CSNK1G2: variants seen among roughly 807,000 people sequenced by gnomAD.
The protein encoded by CSNK1G2 is casein kinase 1 gamma 2, also known as casein kinase I isoform gamma-2.
A neutral mutation model predicts 48.0 loss-of-function variants in CSNK1G2; 11 were observed. The ratio of observed to expected loss-of-function variants is 0.23; its 90% confidence interval spans 0.14 to 0.38. The LOEUF (loss-of-function observed/expected upper bound fraction) is 0.38, where lower values mean the gene tolerates loss of function less well. Among genes scored for constraint, CSNK1G2 ranks in the 10% least tolerant of loss-of-function variants. CSNK1G2 has a pLI of 1.00. For missense variants in CSNK1G2, 446 were observed against 595.5 expected, an observed-to-expected ratio of 0.75 and a Z score of 2.61; for synonymous variants, 337 against 254.1, an observed-to-expected ratio of 1.33 and a Z score of -3.10.
chr19:1,955,582 A>T (rs942613376), intron 1 of CSNK1G2, among the ~76,000 whole-genome samples: 7 of 145,640 alleles, frequency 4.8e-5, no homozygotes, highest in African/African-American at 2.0e-4. Context: ...CGCCCAGGTC[A>T]GGGGCTTCTC....
rs1215584367 is a variant in CSNK1G2 at position 1,979,378 on chromosome 19, C to A, written c.828C>A (p.Ile276=). 1 of 1,601,212 alleles carries A rather than the reference C, an allele frequency of 6.2e-7. No individual in the cohort carries two copies. The highest frequency in any genetic ancestry group is 8.5e-7 in the Non-Finnish European group (1 of 1,175,430). Residue 276 remains isoleucine, a synonymous_variant, in exon 8 of 12, where the codon ATC becomes ATA. Coordinates refer to ENST00000255641, the MANE Select transcript of CSNK1G2 (RefSeq NM_001319.7). ...GGGACACCAAACGCGCCACGCCCAT[C>A]GAGGTGCTCTGCGAGAACTTCCCAG... The part of the protein sequence containing the change: ...KIGDTKRATP[I]EVLCENFPEE...
chr19:1,980,283 C>A lies in CSNK1G2; in HGVS notation c.*80C>A. On this transcript the variant is annotated 3_prime_UTR_variant, in exon 12 of 12. Transcript: ENST00000255641. ...CCTTGTGCGAGGCCCTCGGGGCCCACCCACAGCGGCCCAGGGCCAGACCCT... is the reference window on the plus strand; with the variant it reads ...CCTTGTGCGAGGCCCTCGGGGCCCAACCACAGCGGCCCAGGGCCAGACCCT... 1 of 1,534,148 alleles carries A rather than the reference C, an allele frequency of 6.5e-7. No individual in the cohort carries two copies. The highest frequency in any genetic ancestry group is 9.0e-7 in the Non-Finnish European group (1 of 1,112,812).
Position 1,978,321 on chromosome 19 carries a change from A to G in CSNK1G2, c.204A>G (p.Thr68=), listed in dbSNP as rs758194235. 1 of 1,613,540 alleles carries G rather than the reference A, an allele frequency of 6.2e-7. No individual in the cohort carries two copies. The highest frequency in any genetic ancestry group is 2.2e-5 in the East Asian group (1 of 44,870). The change falls in exon 3 of 12, where the codon ACA becomes ACG. Residue 68 remains threonine, a synonymous_variant. Transcript: ENST00000255641. The surrounding 1 kb of genome is among the most constrained non-coding windows in gnomAD (Gnocchi z 7.3). ...TCCCCGCAGGAAAGAATCTCTATAC[A>G]AATGAATACGTGGCTATCAAATTGG... ...GELRLGKNLY[T]NEYVAIKLEP...
At chr19:1,945,799 G>A (rs918169482) in intron 1 of CSNK1G2, among the ~76,000 whole-genome samples, 2 of 149,174 alleles carry the variant, frequency 1.3e-5, no homozygotes, top group South Asian at 4.3e-4. Context: ...TCCAGCCTGG[G>A]CAACAGAGCG....
chr19:1,971,299 C>T (rs1244009546), intron 2 of CSNK1G2, among the ~76,000 whole-genome samples: 3 of 152,252 alleles, frequency 2.0e-5, no homozygotes, highest in Non-Finnish European at 4.4e-5. Flanking sequence ...GATCCCACCC[C>T]AGCCCTTGGG....
intron 2 of CSNK1G2, chr19:1,975,990 G>A (rs936749239): frequency 4.3e-5 from 47 of 1,081,668 alleles, no homozygotes; most frequent in Middle Eastern, 2.3e-4. Context: ...AGCCGTGATC[G>A]CGCCAGTGCA....
At chr19:1,943,466 A>G (rs576807737) in intron 1 of CSNK1G2, among the ~76,000 whole-genome samples, 1 of 152,190 alleles carries the variant, frequency 6.6e-6, no homozygotes, top group Admixed American at 6.5e-5. Flanking sequence ...CCTTTTTAAT[A>G]ATACAGTAAT....
rs898120001 is a variant in CSNK1G2 at position 1,980,987 on chromosome 19, C to G, written c.*784C>G. ...GAGGACCGGTTGGTGTCACCCTGCT[C>G]GGCCCTCAGCCCTGCCGCGTGGGGC... On this transcript the variant is annotated 3_prime_UTR_variant, in exon 12 of 12. Transcript: ENST00000255641. 1 of 152,284 alleles carries G rather than the reference C, an allele frequency of 6.6e-6. No individual in the cohort carries two copies. Among genetic ancestry groups the G allele is most frequent in the African/African-American group, 2.4e-5 (1 of 41,466 alleles). The allele number at this position is 152,284 out of a possible 1,614,324, so 9.4% of individuals were successfully genotyped here.
At chr19:1,970,851 G>A (rs1467375286) in intron 2 of CSNK1G2, among the ~76,000 whole-genome samples, 2 of 152,184 alleles carry the variant, frequency 1.3e-5, no homozygotes, top group East Asian at 3.9e-4. Context: ...GAGAGGCCAC[G>A]GCAGTGGATC....
In CSNK1G2 at chr19:1,980,382, C is replaced by T. The variant is rs1251132627; in HGVS notation, c.*179C>T. Reference sequence around the variant, plus strand: ...GCCCCACCCCCGGGACGTGGGGTCACTTCCTTCATGTAAGACTTTGGCCGA... The same window carrying T: ...GCCCCACCCCCGGGACGTGGGGTCATTTCCTTCATGTAAGACTTTGGCCGA... On this transcript the variant is annotated 3_prime_UTR_variant, in exon 12 of 12. Transcript: ENST00000255641. 1 of 723,124 alleles carries T rather than the reference C, an allele frequency of 1.4e-6. No individual in the cohort carries two copies. Among genetic ancestry groups the T allele is most frequent in the Non-Finnish European group, 2.4e-6 (1 of 419,038 alleles). 44.8% of individuals were successfully genotyped at this position (723,124 alleles called of 1,614,324 possible).
rs191787859 is a variant in CSNK1G2 at position 1,951,127 on chromosome 19, C to G, written c.-266+9709C>G. Among the ~76,000 whole-genome samples, 57 of 145,814 alleles carry G rather than the reference C, an allele frequency of 3.9e-4. 4 individuals carry two copies. The highest frequency in any genetic ancestry group is 3.4e-3 in the Admixed American group (50 of 14,542). ...TTTATAAAAATCAAAGATGGCCAGG[C>G]ACGGTGGCTCACGCCTGTAATCCCA... is the stretch of plus-strand genomic sequence containing the variant. On this transcript the variant is annotated intron_variant, in intron 1 of 11. Transcript: ENST00000255641.
At chr19:1,953,224 C>T (rs978627165) in intron 1 of CSNK1G2, among the ~76,000 whole-genome samples, 1 of 152,174 alleles carries the variant, frequency 6.6e-6, no homozygotes, top group Admixed American at 6.5e-5. Context: ...CCCCCGCTGT[C>T]TGTGGCACCA....
chr19:1,978,772 G>A lies in CSNK1G2; in HGVS notation c.447+22G>A. 6.4e-7 allele frequency: 1 copy of A among 1,567,650 alleles called. No individual in the cohort carries two copies. The highest frequency in any genetic ancestry group is 8.6e-7 in the Non-Finnish European group (1 of 1,156,752). Reference sequence around the variant, plus strand: ...GCTGGTGCGCGGCGGGCGGGGCGGGGCGGGGCTCGGAGGGAAGAGGGTGGC... The same window carrying A: ...GCTGGTGCGCGGCGGGCGGGGCGGGACGGGGCTCGGAGGGAAGAGGGTGGC... On this transcript the variant is annotated intron_variant, in intron 5 of 11. Coordinates refer to ENST00000255641, the MANE Select transcript of CSNK1G2 (RefSeq NM_001319.7). The surrounding 1 kb of genome is among the most constrained non-coding windows in gnomAD (Gnocchi z 7.3).
intron 2 of CSNK1G2, among the ~76,000 whole-genome samples, chr19:1,970,260 G>A (rs994144905): frequency 6.6e-6 from 1 of 152,280 alleles, no homozygotes; most frequent in African/African-American, 2.4e-5. Flanking sequence ...GTTAAGTTGT[G>A]AATGACTTTC....
chr19:1,957,024 G>C lies in CSNK1G2; in HGVS notation c.-265-12484G>C, dbSNP rs1344888229. Among the ~76,000 whole-genome samples the C allele has an allele frequency of 6.6e-6, 1 of 152,202 alleles. No homozygotes were observed. Among genetic ancestry groups the C allele is most frequent in the Non-Finnish European group, 1.5e-5 (1 of 68,034 alleles). ...AGGGGATTCTGCAGAGGGAAGGCTG[G>C]TGGTGGCGCCCCCCTTCGACGGTCG... On this transcript the variant is annotated intron_variant, in intron 1 of 11. Coordinates refer to ENST00000255641, the MANE Select transcript of CSNK1G2 (RefSeq NM_001319.7). This position sits in a 1 kb window ranked among gnomAD's most constrained non-coding sequence, Gnocchi z 5.4.
intron 1 of CSNK1G2, among the ~76,000 whole-genome samples, chr19:1,960,645 T>C (rs1245186614): frequency 6.6e-6 from 1 of 152,170 alleles, no homozygotes; most frequent in East Asian, 1.9e-4. Flanking sequence ...CCCAGCACTT[T>C]GGGAGGCTAA....
In CSNK1G2 at chr19:1,979,505, C is replaced by T. The variant is rs753236076; in HGVS notation, c.864C>T (p.Ala288=). The stretch of plus-strand genomic sequence containing the variant: ...GCGCTCTCTCTGCAGAGGAGATGGC[C>T]ACGTACCTGCGCTATGTGCGGCGCC... ...VLCENFPEEM[A]TYLRYVRRLD... is the part of the protein sequence containing the mutation. Residue 288 remains alanine, a synonymous_variant, in exon 9 of 12, where the codon GCC becomes GCT. Transcript: ENST00000255641. 7.5e-6 allele frequency: 11 copies of T among 1,459,132 alleles called. No individual in the cohort carries two copies. The highest frequency in any genetic ancestry group is 1.0e-5 in the Non-Finnish European group (11 of 1,088,736). 90.4% of individuals were successfully genotyped at this position (1,459,132 alleles called of 1,614,324 possible). A position where few individuals can be genotyped will look rare whatever the true frequency, so the allele number is the denominator to read the frequency against.
In CSNK1G2 at chr19:1,941,218, G is replaced by GAGCGCGGCGA. The variant is rs1555677406; in HGVS notation, c.-465_-456dup. 6.8e-6 allele frequency: 1 copy of GAGCGCGGCGA among 146,218 alleles called. No individual in the cohort carries two copies. Among genetic ancestry groups the GAGCGCGGCGA allele is most frequent in the Non-Finnish European group, 1.5e-5 (1 of 65,762 alleles). 9.1% of individuals were successfully genotyped at this position (146,218 alleles called of 1,614,324 possible). A position where few individuals can be genotyped will look rare whatever the true frequency, so the allele number is the denominator to read the frequency against. ...CGCGGGCCCCGGAGCGGGCGCGGCG[G>GAGCGCGGCGA]AGCGCGGCGAGCCCGGCGCCTCCCG... On this transcript the variant is annotated 5_prime_UTR_variant, in exon 1 of 12. Transcript: ENST00000255641.
At chr19:1,964,313 C>A (rs1006847323) in intron 1 of CSNK1G2, among the ~76,000 whole-genome samples, 374 of 148,726 alleles carry the variant, frequency 2.5e-3, no homozygotes, top group African/African-American at 8.7e-3. Flanking sequence ...CAAAAAAAAA[C>A]CAGGTTCAAG....
Sources: allele counts gnomAD v4.1 joint callset (sites outside exome capture counted in the v4.1 genomes callset), GRCh38; gene constraint gnomAD v4.1.1; non-coding constraint Gnocchi (gnomAD v3.1); transcripts MANE v1.5; gene names NCBI Gene and HGNC (gene_info 2026-07-23, HGNC 2026-07-21).